Variants in WFDC8 observed in about 807,000 individuals in gnomAD.
WFDC8 encodes WAP four-disulfide core domain 8.
Under a neutral mutation model 27.0 loss-of-function variants are expected in WFDC8, and 24 were observed. The observed-to-expected ratio is 0.89, with a 90% confidence interval of 0.64 to 1.25. WFDC8 has a LOEUF of 1.25. Ranked by LOEUF, WFDC8 falls within the 50% of genes most tolerant of loss-of-function variation. The pLI is 0.00. For missense variants in WFDC8, 287 were observed against 295.9 expected (o/e 0.97, Z 0.22); for synonymous variants, 106 against 99.7 (o/e 1.06, Z -0.38).
At chr20:45,568,544 C>A in intron 1 of WFDC8, 1 of 448,914 alleles carries the variant, frequency 2.2e-6, no homozygotes, top group Non-Finnish European at 4.6e-6. Context: ...AGGCCAAGTA[C>A]TTGGGAGCTA....
intron 1 of WFDC8, among the ~76,000 whole-genome samples, chr20:45,573,236 T>G (rs1038162298): frequency 1.3e-5 from 2 of 152,146 alleles, no homozygotes; most frequent in East Asian, 3.8e-4. Flanking sequence ...CTTCTCAGAG[T>G]TTTATAGTTT....
intron 2 of WFDC8, among the ~76,000 whole-genome samples, chr20:45,559,380 T>A (rs1175902260): frequency 6.6e-6 from 1 of 152,124 alleles, no homozygotes; most frequent in Non-Finnish European, 1.5e-5. Flanking sequence ...GAAGTAGAGG[T>A]CAGGAGGGCT....
In WFDC8 at chr20:45,578,056, G is replaced by A. The variant is rs148347303; in HGVS notation, c.26+1166C>T. ...AAAAATAAATAAATAAATAAAGTATGTAGAGTTTTATTTAATAATTAACCA... is the reference window on the plus strand; with the variant it reads ...AAAAATAAATAAATAAATAAAGTATATAGAGTTTTATTTAATAATTAACCA... On this transcript the variant is annotated intron_variant, in intron 1 of 5. Coordinates refer to ENST00000289953, the MANE Select transcript of WFDC8 (RefSeq NM_130896.3). 2.5e-3 allele frequency among the ~76,000 whole-genome samples: 380 copies of A among 150,954 alleles called. 4 individuals are homozygous for A. Among genetic ancestry groups the A allele is most frequent in the African/African-American group, 8.8e-3 (364 of 41,382 alleles).
intron 1 of WFDC8, among the ~76,000 whole-genome samples, chr20:45,567,097 G>A (rs1192447960): frequency 1.3e-5 from 2 of 151,814 alleles, no homozygotes; most frequent in Admixed American, 1.3e-4. Context: ...GATTGGACCT[G>A]CAGATGCAGA....
Position 45,551,951 on chromosome 20 carries a change from C to T in WFDC8, c.*75G>A. 1 of 1,548,520 alleles carries T rather than the reference C, an allele frequency of 6.5e-7. No individual in the cohort carries two copies. The highest frequency in any genetic ancestry group is 8.8e-7 in the Non-Finnish European group (1 of 1,141,406). Reference sequence around the variant, plus strand: ...TTAAGATAATTTGGCAAGTTGGATACAAGACAAAACTGACAGCTCTTTATC... The same window carrying T: ...TTAAGATAATTTGGCAAGTTGGATATAAGACAAAACTGACAGCTCTTTATC... On this transcript the variant is annotated 3_prime_UTR_variant, in exon 6 of 6. Coordinates refer to ENST00000289953, the MANE Select transcript of WFDC8 (RefSeq NM_130896.3).
At chr20:45,559,427 T>G (rs1980386996) in intron 2 of WFDC8, among the ~76,000 whole-genome samples, 1 of 152,216 alleles carries the variant, frequency 6.6e-6, no homozygotes, top group Non-Finnish European at 1.5e-5. Context: ...TCAAGACCAA[T>G]CTGAACTCAT....
chr20:45,561,522 G>A (rs1980467571), intron 2 of WFDC8, among the ~76,000 whole-genome samples: 2 of 151,868 alleles, frequency 1.3e-5, no homozygotes, highest in African/African-American at 2.4e-5. Flanking sequence ...CTTCCTCTCC[G>A]CCACCCCAGT....
chr20:45,566,784 G>GT (rs1466395492), intron 1 of WFDC8, among the ~76,000 whole-genome samples: 1 of 152,146 alleles, frequency 6.6e-6, no homozygotes, highest in Non-Finnish European at 1.5e-5. Context: ...AAATAAATAA[G>GT]TAACTTTAGT....
chr20:45,569,237 T>C (rs1783385430), intron 1 of WFDC8, among the ~76,000 whole-genome samples: 1 of 152,180 alleles, frequency 6.6e-6, no homozygotes, highest in East Asian at 1.9e-4. Context: ...AGAGGGAGGG[T>C]TAAAATAATT....
chr20:45,573,282 T>G (rs533448418), intron 1 of WFDC8, among the ~76,000 whole-genome samples: 3 of 152,300 alleles, frequency 2.0e-5, no homozygotes, highest in Non-Finnish European at 4.4e-5. Flanking sequence ...CCATTTTGAG[T>G]TGATTTTTTT....
At chr20:45,555,213 A>T (rs560132058) in intron 4 of WFDC8, among the ~76,000 whole-genome samples, 2 of 152,196 alleles carry the variant, frequency 1.3e-5, no homozygotes, top group African/African-American at 4.8e-5. Flanking sequence ...GTTTCCCAAC[A>T]TTGCTGGTGA....
chr20:45,577,520 T>C (rs1447864306), intron 1 of WFDC8, among the ~76,000 whole-genome samples: 1 of 149,644 alleles, frequency 6.7e-6, no homozygotes, highest in African/African-American at 2.4e-5. Flanking sequence ...TGCCTCAGAC[T>C]CCCGAGTAGC....
chr20:45,577,773 G>A (rs1981095465), intron 1 of WFDC8, among the ~76,000 whole-genome samples: 1 of 149,328 alleles, frequency 6.7e-6, no homozygotes, highest in Non-Finnish European at 1.5e-5. Flanking sequence ...TTGGGAGGCT[G>A]AGGCAGGCAG....
chr20:45,566,876 G>A (rs1600895650), intron 1 of WFDC8, among the ~76,000 whole-genome samples: 1 of 152,212 alleles, frequency 6.6e-6, no homozygotes, highest in South Asian at 2.1e-4. Context: ...AGATGCTCAT[G>A]TCGCTTTTAT....
At chr20:45,558,486 A>C (rs934020884) in intron 3 of WFDC8, among the ~76,000 whole-genome samples, 1 of 152,228 alleles carries the variant, frequency 6.6e-6, no homozygotes, top group Non-Finnish European at 1.5e-5. Flanking sequence ...TGCCCAATAC[A>C]TTGAGTCACC....
intron 1 of WFDC8, among the ~76,000 whole-genome samples, chr20:45,566,227 G>T (rs547787152): frequency 2.0e-5 from 3 of 152,154 alleles, no homozygotes; most frequent in Admixed American, 6.5e-5. Flanking sequence ...AAATCCTTTT[G>T]CAAGATACCA....
At chr20:45,578,601 A>G (rs1380315867) in intron 1 of WFDC8, among the ~76,000 whole-genome samples, 1 of 141,520 alleles carries the variant, frequency 7.1e-6, no homozygotes, top group Non-Finnish European at 1.6e-5. Context: ...CACAGCTGAC[A>G]GCAAACCCAA....
rs926149808 is a variant in WFDC8, at chr20:45,552,066, C to G, written c.686G>C (p.Cys229Ser). ...DEECPLVEKC[C>S]SHCGLKCMDP... is the part of the protein sequence containing the mutation. ...CATACATTTCAGTCCACAATGTGAGCAGCACTTTTCCACCAATGGGCACTC... is the reference window on the plus strand; with the variant it reads ...CATACATTTCAGTCCACAATGTGAGGAGCACTTTTCCACCAATGGGCACTC... Residue 229 changes from cysteine to serine, a missense_variant, in exon 6 of 6, where the codon TGC becomes TCC. By Grantham distance (112) the Cys-to-Ser change is moderately radical (BLOSUM62 -1). Coordinates refer to ENST00000289953, the MANE Select transcript of WFDC8 (RefSeq NM_130896.3). 1.1e-5 allele frequency: 18 copies of G among 1,613,976 alleles called. No individual in the cohort carries two copies. The highest frequency in any genetic ancestry group is 1.4e-5 in the Non-Finnish European group (17 of 1,179,962).
At chr20:45,578,976 G>A (rs559943585) in intron 1 of WFDC8, among the ~76,000 whole-genome samples, 13 of 152,024 alleles carry the variant, frequency 8.6e-5, no homozygotes, top group African/African-American at 2.7e-4. Context: ...GCGTGGTGGC[G>A]CACACCTGTA....
Sources: gnomAD v4.1 joint callset for allele counts (sites outside exome capture counted in the v4.1 genomes callset) on GRCh38, gnomAD v4.1.1 for gene constraint, MANE v1.5 for transcripts, NCBI Gene and HGNC (gene_info 2026-07-23, HGNC 2026-07-21) for gene names.